The following NIBAN3 variants were observed in gnomAD, a reference collection of about 807,000 sequenced individuals.
The protein encoded by NIBAN3 is niban apoptosis regulator 3, also known as protein Niban 3.
In NIBAN3, 66 loss-of-function variants were observed where a neutral mutation model predicts 76.4. The ratio of observed to expected loss-of-function variants is 0.86; its 90% CI spans 0.71 to 1.06. The LOEUF (loss-of-function observed/expected upper bound fraction) is 1.06, where lower values mean the gene tolerates loss of function less well. Among genes scored for constraint, NIBAN3 ranks in the 50% least tolerant of loss-of-function variants. NIBAN3 has a pLI of 0.00. For missense variants in NIBAN3, 808 were observed against 810.7 expected, an observed-to-expected ratio of 1.00 and a Z score of 0.04; for synonymous variants, 360 against 355.2, an observed-to-expected ratio of 1.01 and a Z score of -0.15.
intron 4 of NIBAN3, 66 bp downstream of exon 4, chr19:17,533,767 A>G: frequency 8.0e-7 from 1 of 1,242,852 alleles, no homozygotes; most frequent in Non-Finnish European, 1.2e-6. Context: ...GTGGGGCCAG[A>G]TCATTCTCTG....
downstream of NIBAN3, among the ~76,000 whole-genome samples, chr19:17,554,476 A>G (rs2076196950): frequency 6.6e-6 from 1 of 151,438 alleles, no homozygotes; most frequent in Non-Finnish European, 1.5e-5. Context: ...CCACAGAGTA[A>G]GACCCTCTCT....
Position 17,535,901 on chromosome 19 carries a change from C to T in NIBAN3, c.428-1475C>T, listed in dbSNP as rs182963113. 2.0e-5 allele frequency among the ~76,000 whole-genome samples: 3 copies of T among 152,080 alleles called. No homozygotes were observed. The East Asian group carries it at 5.8e-4, about 29-fold the overall frequency. On this transcript the variant is annotated intron_variant, in intron 4 of 14. Transcript: ENST00000599164. ...CCTGGGCAGCAGAGGAAGACTCCAT[C>T]TCTGAAATAAAAATAAATTAAAATT...
intron 1 of NIBAN3, among the ~76,000 whole-genome samples, chr19:17,528,497 G>T (rs2075651050): frequency 6.6e-6 from 1 of 152,124 alleles, no homozygotes; most frequent in African/African-American, 2.4e-5. Flanking sequence ...ACCCAGCCAG[G>T]CCCTGAGGGA....
downstream of NIBAN3, among the ~76,000 whole-genome samples, chr19:17,554,779 CAA>C (rs66782675): frequency 3.4e-5 from 4 of 118,290 alleles, no homozygotes; most frequent in Non-Finnish European, 6.8e-5. Flanking sequence ...GACGCTGTCT[CAA>C]AAAAAAAAAA....
At chr19:17,550,843 C>CTTTT (rs10690901) in intron 14 of NIBAN3, among the ~76,000 whole-genome samples, 17,217 of 91,464 alleles carry the variant, frequency 0.19, 2,902 homozygotes, top group Non-Finnish European at 0.21. Context: ...CTTGTACATA[C>CTTTT]TTTTTTTTTT....
chr19:17,530,711 G>C (rs758402660), intron 1 of NIBAN3, 44 bp from the exon 2 acceptor site: 1 of 1,570,194 alleles, frequency 6.4e-7, no homozygotes, highest in East Asian at 2.3e-5. Flanking sequence ...AGGTCTCCTG[G>C]GCAGATTCAA....
In NIBAN3 at chr19:17,540,676, CTGCTTTTTACTT is replaced by C. The variant is rs1374124540; in HGVS notation, c.1170+95_1170+106del. 4.6e-5 allele frequency: 45 copies of C among 988,260 alleles called. No homozygotes were observed. In the East Asian group the frequency reaches 1.3e-3, roughly 28 times the overall value. 61.2% of individuals were successfully genotyped at this position (988,260 alleles called of 1,614,324 possible). A position where few individuals can be genotyped will look rare whatever the true frequency, so the allele number is the denominator to read the frequency against. On this transcript the variant is annotated intron_variant, in intron 9 of 14. Coordinates refer to ENST00000599164, the MANE Select transcript of NIBAN3 (RefSeq NM_001321827.2). ...GAATCTTCACTGAATTTGTTCTAGG[CTGCTTTTTACTT>C]ATTGTGGACCCATCACCATGCTATG...
rs547656218 is a variant in NIBAN3 at position 17,546,580 on chromosome 19, C to G, written c.1555-106C>G. The G allele has an allele frequency of 8.0e-5, 104 of 1,306,398 alleles. No individual in the cohort carries two copies. The African/African-American group carries it at 1.5e-3, about 19-fold the overall frequency. 80.9% of individuals were successfully genotyped at this position (1,306,398 alleles called of 1,614,324 possible). ...GAAACTAAGGCCCAAGCCCCGCCCC[C>G]CAACCCCACAGCTAATCAGGCCCAG... On this transcript the variant is annotated intron_variant, in intron 12 of 14. Coordinates refer to ENST00000599164, the MANE Select transcript of NIBAN3 (RefSeq NM_001321827.2).
chr19:17,527,092 T>G, upstream of NIBAN3: 1 of 873,362 alleles, frequency 1.1e-6, no homozygotes, highest in Non-Finnish European at 1.7e-6. Flanking sequence ...GCTATGATTT[T>G]CTTTCTCCCA....
In NIBAN3 at chr19:17,543,425, G is replaced by A. The variant is rs200100942; in HGVS notation, c.1438G>A (p.Val480Met). ...GAGGCTGGAGAGAGTCAGGGGGCGC[G>A]TGCTGAAGGTGTGTTCTGTGGGTAC... Reference protein sequence around the residue: ...AQRLERVRGRVLKKFKSDSGL... With the variant: ...AQRLERVRGRMLKKFKSDSGL... The change falls in exon 11 of 15, where the codon GTG (valine) becomes ATG (methionine). Residue 480 changes from valine to methionine, a missense_variant. Physicochemically the swap from Val to Met is conservative, Grantham distance 21. Transcript: ENST00000599164. 106 of 1,613,598 alleles carry A rather than the reference G, an allele frequency of 6.6e-5. No individual in the cohort carries two copies. In the East Asian group the frequency reaches 1.8e-3, roughly 27 times the overall value.
intron 1 of NIBAN3, among the ~76,000 whole-genome samples, chr19:17,529,588 C>T: frequency 6.6e-6 from 1 of 152,228 alleles, no homozygotes; most frequent in East Asian, 1.9e-4. Context: ...TACAGCACAC[C>T]TCCATCACTC....
chr19:17,537,122 A>T (rs1358416296), intron 4 of NIBAN3, among the ~76,000 whole-genome samples: 1 of 152,114 alleles, frequency 6.6e-6, no homozygotes, highest in Non-Finnish European at 1.5e-5. Flanking sequence ...TGTATTAAGG[A>T]TGCTAAGGCT....
chr19:17,539,541 C>T (rs1237611668), intron 7 of NIBAN3, 62 bp from the exon 8 acceptor site: 2 of 1,468,178 alleles, frequency 1.4e-6, no homozygotes, highest in African/African-American at 2.9e-5. Context: ...CTCTCCCGAT[C>T]TCTCTGACCC....
At chr19:17,553,729 G>T, downstream of NIBAN3, 1 of 670,320 alleles carries the variant, frequency 1.5e-6, no homozygotes, top group Non-Finnish European at 2.6e-6. Flanking sequence ...TTGTCATCCT[G>T]CCCCTTTTGA....
chr19:17,529,293 A>ATT (rs57168507), intron 1 of NIBAN3, among the ~76,000 whole-genome samples: 4 of 147,194 alleles, frequency 2.7e-5, no homozygotes, highest in African/African-American at 9.9e-5. Context: ...CAAGATAAGG[A>ATT]TTTTTTTTTT....
chr19:17,546,855 G>A (rs980018934), intron 13 of NIBAN3, 58 bp downstream of exon 13: 14 of 1,540,766 alleles, frequency 9.1e-6, no homozygotes, highest in Middle Eastern at 1.7e-4. Context: ...TGTATGTACC[G>A]AGCCCCACCA....
intron 1 of NIBAN3, among the ~76,000 whole-genome samples, chr19:17,528,011 A>G (rs781705015): frequency 1.3e-5 from 2 of 150,776 alleles, no homozygotes; most frequent in Non-Finnish European, 3.0e-5. Flanking sequence ...TATTTTTAGT[A>G]TAAGTGTATC....
chr19:17,535,320 C>T (rs2144701529), intron 4 of NIBAN3, among the ~76,000 whole-genome samples: 1 of 152,300 alleles, frequency 6.6e-6, no homozygotes, highest in South Asian at 2.1e-4. Context: ...GTGGCATGTG[C>T]CGGTAGTCCC....
At chr19:17,531,326 A>AC (rs2075718611) in intron 2 of NIBAN3, among the ~76,000 whole-genome samples, 2 of 129,000 alleles carry the variant, frequency 1.6e-5, no homozygotes, top group African/African-American at 2.8e-5. Context: ...GACTCTGTCA[A>AC]ACACACACAC....
Sources: allele counts gnomAD v4.1 joint callset (sites outside exome capture counted in the v4.1 genomes callset), GRCh38; gene constraint gnomAD v4.1.1; transcripts MANE v1.5; gene names NCBI Gene and HGNC (gene_info 2026-07-23, HGNC 2026-07-21).